PCDH15: variants seen among roughly 807,000 people sequenced by gnomAD.
PCDH15 encodes the protein protocadherin related 15, also known as protocadherin-15.
PCDH15 carries 129 observed loss-of-function variants against 178.5 expected under a neutral mutation model. That is an observed-to-expected ratio of 0.72 (90% CI 0.63 to 0.84). The LOEUF (loss-of-function observed/expected upper bound fraction) is 0.84, where lower values mean the gene tolerates loss of function less well. Ranked by LOEUF, PCDH15 falls within the 40% of genes least tolerant of loss-of-function variation. The pLI is 0.00. For synonymous variants in PCDH15, 800 were observed against 732.0 expected (o/e 1.09, Z -1.50); for missense variants, 2,230 against 2,099.9 (o/e 1.06, Z -1.21).
In PCDH15 at chr10:55,533,304, A is replaced by T. The variant is rs1841496746; in HGVS notation, c.-156+94321T>A. Among the ~76,000 whole-genome samples, 16 of 152,196 alleles carry T rather than the reference A, an allele frequency of 1.1e-4. No homozygotes were observed. In the South Asian group the frequency reaches 3.3e-3, roughly 32 times the overall value. On this transcript the variant is annotated intron_variant, in intron 2 of 5. Coordinates refer to the PCDH15 transcript ENST00000613346. ...CTCAAGTCAAACTCTACCTTTACTG[A>T]TGACATTATTGCATATCTAGAAAAC...
intron 2 of PCDH15, among the ~76,000 whole-genome samples, chr10:54,569,836 G>T (rs180869399): frequency 2.7e-4 from 41 of 152,260 alleles, no homozygotes; most frequent in African/African-American, 9.6e-4. Flanking sequence ...AAGACTTTAA[G>T]ATACACAAAA....
intron 18 of PCDH15, among the ~76,000 whole-genome samples, chr10:54,040,930 T>C (rs902634214): frequency 4.6e-5 from 7 of 152,104 alleles, no homozygotes; most frequent in Admixed American, 4.6e-4. Flanking sequence ...TATTATGTGG[T>C]TGCAGGTAAC....
At chr10:54,138,357 C>A (rs72797052) in intron 14 of PCDH15, among the ~76,000 whole-genome samples, 1 of 151,936 alleles carries the variant, frequency 6.6e-6, no homozygotes, top group Non-Finnish European at 1.5e-5. Context: ...GTTGGTCAAG[C>A]CCAACCAGTA....
chr10:54,250,497 A>T (rs113782663), intron 8 of PCDH15, among the ~76,000 whole-genome samples: 3,921 of 151,120 alleles, frequency 0.026, 182 homozygotes, highest in African/African-American at 0.09. Context: ...TTTAGCCAGG[A>T]TGGTCTCGAT....
chr10:54,023,169 C>A lies in PCDH15; in HGVS notation c.2249G>T (p.Gly750Val), dbSNP rs761799360. The change falls in exon 19 of 38, where the codon GGT (glycine) becomes GTT (valine). Residue 750 changes from glycine (G) to valine (V), a missense_variant. Gly to Val is a moderately radical substitution (Grantham distance 109). Transcript: ENST00000644397. Reference protein sequence around the residue: ...KATDPDAGINGQVHYSLGNFN... With the variant: ...KATDPDAGINVQVHYSLGNFN... ...GTTACCCAAACTGTAGTGCACTTGACCATTTATTCCAGCATCAGGGTCTGT... is the reference window on the plus strand; with the variant it reads ...GTTACCCAAACTGTAGTGCACTTGAACATTTATTCCAGCATCAGGGTCTGT... 3 of 1,613,592 alleles carry A rather than the reference C, an allele frequency of 1.9e-6. No individual in the cohort carries two copies. The highest frequency in any genetic ancestry group is 2.5e-6 in the Non-Finnish European group (3 of 1,179,846).
At chr10:54,216,476 G>A (rs914018882) in intron 9 of PCDH15, among the ~76,000 whole-genome samples, 3 of 152,020 alleles carry the variant, frequency 2.0e-5, no homozygotes, top group Non-Finnish European at 4.4e-5. Context: ...CAAAATGTTC[G>A]GGGCTAGAGA....
chr10:55,383,203 A>G (rs1900489), intron 2 of PCDH15, among the ~76,000 whole-genome samples: 93,836 of 151,846 alleles, frequency 0.62, 30,015 homozygotes, highest in African/African-American at 0.75. Context: ...GTCTCCAGCC[A>G]GGCTCCTCTC....
chr10:54,793,608 A>AT (rs1203317637), intron 1 of PCDH15, among the ~76,000 whole-genome samples: 3 of 150,850 alleles, frequency 2.0e-5, no homozygotes, highest in Non-Finnish European at 3.0e-5. Flanking sequence ...ATCACAATCT[A>AT]TTTTTGCATA....
Position 54,369,131 on chromosome 10 carries a change from T to C in PCDH15, c.463A>G (p.Thr155Ala), listed in dbSNP as rs910750685. The C allele has an allele frequency of 2.5e-6, 4 of 1,612,858 alleles. No individual in the cohort carries two copies. The Admixed American group carries it at 5.0e-5, about 20-fold the overall frequency. ...AAATAGAAACTGACCTCATTCACTG[T>C]GGCATAGTAGCTTTCATGCTTGAAA... The part of the protein sequence containing the change: ...PTFKHESYYA[T>A]VNELTPVGTT... Residue 155 changes from threonine to alanine, a missense_variant, in exon 5 of 38, where the codon ACA (threonine) becomes GCA (alanine). By Grantham distance (58) the Thr-to-Ala change is moderately conservative. Transcript: ENST00000644397.
intron 2 of PCDH15, among the ~76,000 whole-genome samples, chr10:54,615,203 G>A (rs1259346869): frequency 2.6e-5 from 4 of 151,992 alleles, no homozygotes; most frequent in South Asian, 2.1e-4. Flanking sequence ...GTGGTAAAGC[G>A]ATACAAATTG....
intron 13 of PCDH15, among the ~76,000 whole-genome samples, chr10:54,178,766 C>T (rs935263345): frequency 1.1e-4 from 17 of 151,990 alleles, no homozygotes; most frequent in Non-Finnish European, 1.5e-4. Flanking sequence ...AGAACATGAA[C>T]AGACACTTCT....
At chr10:55,066,056 C>T (rs1841556460) in intron 2 of PCDH15, among the ~76,000 whole-genome samples, 1 of 151,878 alleles carries the variant, frequency 6.6e-6, no homozygotes, top group Non-Finnish European at 1.5e-5. Flanking sequence ...TTTTTGTTCA[C>T]ATATGTCAGG....
At chr10:53,868,386 TAAC>T (rs2079599969) in intron 26 of PCDH15, among the ~76,000 whole-genome samples, 1 of 152,094 alleles carries the variant, frequency 6.6e-6, no homozygotes, top group Non-Finnish European at 1.5e-5. Context: ...TCTTATCTAA[TAAC>T]AATATAAAAA....
rs560161072 is a variant in PCDH15, at chr10:53,864,327, T to C, written c.3717+2315A>G. Among the ~76,000 whole-genome samples the C allele has an allele frequency of 3.3e-5, 5 of 150,190 alleles. No individual in the cohort carries two copies. In the South Asian group the frequency reaches 1.0e-3, roughly 31 times the overall value. On this transcript the variant is annotated intron_variant, in intron 27 of 37. Transcript: ENST00000644397. ...CATAAACCAATTAATGCCAACTTCC[T>C]AAAGCTAAACAAACAAACAAACAAA... is the stretch of plus-strand genomic sequence containing the variant.
In PCDH15 at chr10:55,012,960, A is replaced by G. The variant is rs74136324; in HGVS notation, c.-79-115460T>C. ...TCTTTGCATGTGTCAAAATTACTTC[A>G]AGCTCAATATATGCTACATTAAAGA... On this transcript the variant is annotated intron_variant, in intron 2 of 5. Coordinates refer to the PCDH15 transcript ENST00000458638. Among the ~76,000 whole-genome samples, 782 of 152,194 alleles carry G rather than the reference A, an allele frequency of 5.1e-3. 3 individuals are homozygous for G. Among genetic ancestry groups the G allele is most frequent in the African/African-American group, 0.018 (752 of 41,546 alleles).
At chr10:54,330,737 G>A (rs1939342049) in intron 6 of PCDH15, among the ~76,000 whole-genome samples, 1 of 151,824 alleles carries the variant, frequency 6.6e-6, no homozygotes, top group Admixed American at 6.6e-5. Context: ...CACACCTTAA[G>A]GGAGTATAAT....
intron 3 of PCDH15, among the ~76,000 whole-genome samples, chr10:54,506,996 A>G (rs761739125): frequency 2.6e-5 from 4 of 151,974 alleles, no homozygotes; most frequent in Non-Finnish European, 4.4e-5. Flanking sequence ...GGTTATTTCC[A>G]TATAACCTTA....
intron 2 of PCDH15, among the ~76,000 whole-genome samples, chr10:55,439,909 T>A (rs1317456864): frequency 2.0e-5 from 3 of 152,114 alleles, no homozygotes; most frequent in Admixed American, 6.5e-5. Flanking sequence ...AAGATTGCCA[T>A]GAAACTGAAA....
At chr10:54,300,769 A>G (rs781045119) in intron 8 of PCDH15, among the ~76,000 whole-genome samples, 5 of 152,138 alleles carry the variant, frequency 3.3e-5, no homozygotes, top group Non-Finnish European at 7.4e-5. Flanking sequence ...AATCGCACCA[A>G]TCAGCACTCT....
Sources: allele counts gnomAD v4.1 joint callset (sites outside exome capture counted in the v4.1 genomes callset), GRCh38; gene constraint gnomAD v4.1.1; transcripts MANE v1.5; gene names NCBI Gene and HGNC (gene_info 2026-07-23, HGNC 2026-07-21).